The following PHF21B variants were observed in gnomAD, a reference collection of about 807,000 sequenced individuals.
The protein encoded by PHF21B is PHD finger protein 4.
PHF21B carries 22 observed loss-of-function variants against 62.2 expected under a neutral mutation model. The ratio of observed to expected loss-of-function variants is 0.35; its 90% confidence interval spans 0.25 to 0.51. The LOEUF (loss-of-function observed/expected upper bound fraction) is 0.51, where lower values mean the gene tolerates loss of function less well. Ranked by LOEUF, PHF21B falls within the 20% of genes least tolerant of loss-of-function variation. PHF21B has a pLI of 0.97. For missense variants in PHF21B, 701 were observed against 707.9 expected (o/e 0.99, Z 0.11); for synonymous variants, 341 against 314.7 (o/e 1.08, Z -0.88).
intron 5 of PHF21B, among the ~76,000 whole-genome samples, chr22:44,899,808 T>C (rs534515573): frequency 6.6e-6 from 1 of 152,350 alleles, no homozygotes. Context: ...TGTGTTGCTA[T>C]GAAGATTAGT....
chr22:45,005,579 G>GA (rs1468447121), intron 2 of PHF21B, among the ~76,000 whole-genome samples: 1 of 152,192 alleles, frequency 6.6e-6, no homozygotes, highest in East Asian at 1.9e-4. Flanking sequence ...AAGTAACTGA[G>GA]AAAAACATCG....
Position 44,975,098 on chromosome 22 carries a change from A to G in PHF21B, c.120+33447T>C, listed in dbSNP as rs191301005. Among the ~76,000 whole-genome samples, 126 of 152,058 alleles carry G rather than the reference A, an allele frequency of 8.3e-4. 2 individuals are homozygous for G. Among genetic ancestry groups the G allele is most frequent in the Middle Eastern group, 3.4e-3 (1 of 294 alleles). ...CTCCTCTCTCTCCACCTGCTCCCCA[A>G]TCTGCACCCTTGGCTGAGGGAAGAG... On this transcript the variant is annotated intron_variant, in intron 2 of 12. Transcript: ENST00000313237.
Position 44,949,028 on chromosome 22 carries a change from C to G in PHF21B, c.121-28538G>C, listed in dbSNP as rs542795498. The stretch of plus-strand genomic sequence containing the variant: ...TTTGAAAGCTGAGGTAGGGGCCGGG[C>G]GCGGTGGCTCACGCCTGTAATCCCA... On this transcript the variant is annotated intron_variant, in intron 2 of 12. Coordinates refer to ENST00000313237, the MANE Select transcript of PHF21B (RefSeq NM_138415.5). Among the ~76,000 whole-genome samples, 34 of 152,244 alleles carry G rather than the reference C, an allele frequency of 2.2e-4. No homozygotes were observed. In the South Asian group the frequency reaches 6.9e-3, roughly 31 times the overall value.
intron 2 of PHF21B, among the ~76,000 whole-genome samples, chr22:44,928,480 G>A (rs11913520): frequency 1.2e-3 from 189 of 152,284 alleles, no homozygotes; most frequent in African/African-American, 4.1e-3. Flanking sequence ...CGTGATCTTG[G>A]CTCACTGCAA....
intron 2 of PHF21B, among the ~76,000 whole-genome samples, chr22:44,983,261 C>T (rs933064565): frequency 2.0e-5 from 3 of 151,032 alleles, no homozygotes; most frequent in Admixed American, 6.6e-5. Flanking sequence ...AAGGCAAAAC[C>T]GGGGGAAATC....
At chr22:44,885,402 C>A (rs1440428154) in intron 12 of PHF21B, 24 bp downstream of exon 12, 3 of 1,550,272 alleles carry the variant, frequency 1.9e-6, no homozygotes, top group South Asian at 1.2e-5. Context: ...CTGAGGCCAG[C>A]CTCCCCCAGG....
intron 2 of PHF21B, among the ~76,000 whole-genome samples, chr22:44,949,318 A>AG (rs545820033): frequency 0.09 from 12,995 of 144,580 alleles, 830 homozygotes; most frequent in African/African-American, 0.13. Context: ...AAGAAAAAAA[A>AG]AAAAAAAGAA....
At chr22:44,967,917 C>A (rs891500700) in intron 2 of PHF21B, among the ~76,000 whole-genome samples, 6 of 152,156 alleles carry the variant, frequency 3.9e-5, no homozygotes, top group Admixed American at 1.3e-4. Context: ...TGGGATGTGT[C>A]TGTTTCTCTC....
At chr22:44,885,115 G>T (rs889691357) in intron 12 of PHF21B, among the ~76,000 whole-genome samples, 30 of 152,254 alleles carry the variant, frequency 2.0e-4, no homozygotes, top group Admixed American at 1.9e-3. Context: ...GCTGGGGGAT[G>T]CTTGGTGAGT....
chr22:44,957,341 C>T (rs1250011709), intron 2 of PHF21B, among the ~76,000 whole-genome samples: 1 of 152,208 alleles, frequency 6.6e-6, no homozygotes, highest in Non-Finnish European at 1.5e-5. Context: ...GAAAAACCCT[C>T]TGAAGGTACA....
At chr22:44,912,563 A>T (rs1276414585) in intron 5 of PHF21B, among the ~76,000 whole-genome samples, 2 of 152,134 alleles carry the variant, frequency 1.3e-5, no homozygotes, top group Non-Finnish European at 2.9e-5. Flanking sequence ...GTAAGATGTG[A>T]CTTGCTCCTC....
chr22:44,965,038 CCT>C (rs1452145524), intron 2 of PHF21B, among the ~76,000 whole-genome samples: 1 of 152,198 alleles, frequency 6.6e-6, no homozygotes, highest in African/African-American at 2.4e-5. Context: ...CTTTCCCTCC[CCT>C]GTGATATGGG....
chr22:44,921,436 G>A (rs1183223795), intron 2 of PHF21B, among the ~76,000 whole-genome samples: 2 of 151,424 alleles, frequency 1.3e-5, no homozygotes, highest in East Asian at 3.9e-4. Context: ...GCGCGATCTC[G>A]GCTCATTGCA....
At chr22:44,906,431 G>C (rs2071251409) in intron 5 of PHF21B, among the ~76,000 whole-genome samples, 1 of 152,242 alleles carries the variant, frequency 6.6e-6, no homozygotes, top group Non-Finnish European at 1.5e-5. Flanking sequence ...GCTGGGCACA[G>C]GGCCGAAACG....
chr22:44,916,260 G>T lies in PHF21B; in HGVS notation c.564+20C>A. On this transcript the variant is annotated intron_variant, in intron 4 of 12. Coordinates refer to ENST00000313237, the MANE Select transcript of PHF21B (RefSeq NM_138415.5). ...TATGCGGCCGCACACCCTTTCCGGA[G>T]CCTGCTGGTGGGCACTCACCTTGTT... The T allele has an allele frequency of 1.2e-6, 2 of 1,602,396 alleles. No homozygotes were observed. Among genetic ancestry groups the T allele is most frequent in the South Asian group, 2.2e-5 (2 of 89,486 alleles).
chr22:44,987,280 G>T (rs1429891923), intron 2 of PHF21B, among the ~76,000 whole-genome samples: 3 of 152,034 alleles, frequency 2.0e-5, no homozygotes, highest in Non-Finnish European at 4.4e-5. Flanking sequence ...ACATTGGCAA[G>T]ATGAGGGTGG....
chr22:44,889,237 A>T lies in PHF21B; in HGVS notation c.1038+523T>A, dbSNP rs553539157. ...GCCATGAACGAGGTCATGACCAGCCAATGTTCTGGGAATCAGGGATGTGGT... is the reference window on the plus strand; with the variant it reads ...GCCATGAACGAGGTCATGACCAGCCTATGTTCTGGGAATCAGGGATGTGGT... On this transcript the variant is annotated intron_variant, in intron 9 of 12. Coordinates refer to ENST00000313237, the MANE Select transcript of PHF21B (RefSeq NM_138415.5). Among the ~76,000 whole-genome samples the T allele has an allele frequency of 4.5e-4, 63 of 140,404 alleles. No individual in the cohort carries two copies. The South Asian group carries it at 0.016, about 36-fold the overall frequency. The allele number at this position is 140,404 out of a possible 152,430, so 92.1% of individuals were successfully genotyped here.
chr22:44,966,917 C>T (rs761615456), intron 2 of PHF21B: 21 of 152,234 alleles, frequency 1.4e-4, no homozygotes, highest in African/African-American at 5.1e-4. Context: ...TCTCCCACCC[C>T]CCAGCCTCTC....
In PHF21B at chr22:44,888,260, G is replaced by C; in HGVS notation, c.1039-139C>G. 3 of 1,050,136 alleles carry C rather than the reference G, an allele frequency of 2.9e-6. No individual in the cohort carries two copies. In the South Asian group the frequency reaches 5.6e-5, roughly 20 times the overall value. 65.1% of individuals were successfully genotyped at this position (1,050,136 alleles called of 1,614,324 possible). A position where few individuals can be genotyped will look rare whatever the true frequency, so the allele number is the denominator to read the frequency against. ...GCCAACGTTTCCCAGCAGCTCTACGGAGAGAGAGGGATAAACCCTGGAGGG... is the reference window on the plus strand; with the variant it reads ...GCCAACGTTTCCCAGCAGCTCTACGCAGAGAGAGGGATAAACCCTGGAGGG... On this transcript the variant is annotated intron_variant, in intron 9 of 12. Coordinates refer to ENST00000313237, the MANE Select transcript of PHF21B (RefSeq NM_138415.5).
Sources: allele counts gnomAD v4.1 joint callset (sites outside exome capture counted in the v4.1 genomes callset), GRCh38; gene constraint gnomAD v4.1.1; transcripts MANE v1.5; gene names NCBI Gene and HGNC (gene_info 2026-07-23, HGNC 2026-07-21).